RASGEF1A: variants seen among roughly 807,000 people sequenced by gnomAD.
RASGEF1A encodes RasGEF domain family member 1A.
Under a neutral mutation model 56.4 loss-of-function variants are expected in RASGEF1A, and 18 were observed. That is an observed-to-expected ratio of 0.32 (90% CI 0.22 to 0.47). The LOEUF (loss-of-function observed/expected upper bound fraction) is 0.47, where lower values mean the gene tolerates loss of function less well. RASGEF1A is among the 20% of genes least tolerant of loss of function. RASGEF1A has a pLI of 1.00. For synonymous variants in RASGEF1A, 245 were observed against 242.6 expected, an observed-to-expected ratio of 1.01 and a Z score of -0.09; for missense variants, 422 against 627.1, an observed-to-expected ratio of 0.67 and a Z score of 3.49.
Position 43,213,338 on chromosome 10 carries a change from A to T in RASGEF1A, c.-6-7216T>A, listed in dbSNP as rs78532540. ...CATGTAAAAAATACATGTACCCCAT[A>T]AATATGTAAAATACTACATATGAAT... is the stretch of plus-strand genomic sequence containing the variant. On this transcript the variant is annotated intron_variant, in intron 1 of 12. Transcript: ENST00000395810. Among the ~76,000 whole-genome samples, 1,283 of 152,212 alleles carry T rather than the reference A, an allele frequency of 8.4e-3. 53 individuals are homozygous for T. In the East Asian group the frequency reaches 0.095, roughly 11 times the overall value.
Position 43,196,556 on chromosome 10 carries a change from A to G in RASGEF1A, c.1349-8T>C, listed in dbSNP as rs370476530. The G allele has an allele frequency of 6.0e-5, 97 of 1,612,706 alleles. No individual in the cohort carries two copies. The highest frequency in any genetic ancestry group is 7.5e-5 in the Non-Finnish European group (89 of 1,179,818). The stretch of plus-strand genomic sequence containing the variant: ...AGGAGGCGACGAAGAGAGCTGAGAG[A>G]TGGGAAAGTCCCTCAGAGCCTGTGT... On this transcript the variant is annotated splice_region_variant and splice_polypyrimidine_tract_variant and intron_variant, in intron 11 of 12. Transcript: ENST00000395810. This position sits in a 1 kb window ranked among gnomAD's most constrained non-coding sequence, Gnocchi z 4.6.
intron 1 of RASGEF1A, among the ~76,000 whole-genome samples, chr10:43,223,061 G>C (rs10899778): frequency 0.17 from 25,106 of 152,066 alleles, 2,673 homozygotes; most frequent in East Asian, 0.51. Context: ...CTATGCCCAG[G>C]AAACACAGTG....
rs143731252 is a variant in RASGEF1A, at chr10:43,215,994, G to A, written c.-6-9872C>T. 4.3e-3 allele frequency among the ~76,000 whole-genome samples: 657 copies of A among 152,334 alleles called. 1 individual carries two copies. Among genetic ancestry groups the A allele is most frequent in the Admixed American group, 0.011 (168 of 15,308 alleles). Reference sequence around the variant, plus strand: ...CAGAAGCGCTGGCGCCAAAGCCTGGGAGCTTTTGGCCCATTAGATCTCTGG... The same window carrying A: ...CAGAAGCGCTGGCGCCAAAGCCTGGAAGCTTTTGGCCCATTAGATCTCTGG... On this transcript the variant is annotated intron_variant, in intron 1 of 12. Coordinates refer to ENST00000395810, the MANE Select transcript of RASGEF1A (RefSeq NM_145313.4).
At chr10:43,264,836 G>A (rs1836596411) in intron 1 of RASGEF1A, among the ~76,000 whole-genome samples, 1 of 152,054 alleles carries the variant, frequency 6.6e-6, no homozygotes, top group African/African-American at 2.4e-5. Context: ...CAGTGGGGGG[G>A]CCAAACCCCC....
At chr10:43,230,280 T>C (rs1221002831) in intron 1 of RASGEF1A, among the ~76,000 whole-genome samples, 1 of 152,154 alleles carries the variant, frequency 6.6e-6, no homozygotes, top group Non-Finnish European at 1.5e-5. Context: ...TGTCCTTCCA[T>C]TTCATTGGAA....
At chr10:43,223,298 T>C (rs1328851011) in intron 1 of RASGEF1A, among the ~76,000 whole-genome samples, 1 of 152,140 alleles carries the variant, frequency 6.6e-6, no homozygotes, top group Non-Finnish European at 1.5e-5. Flanking sequence ...AGTGTGCAGG[T>C]GAGAGAATGA....
At chr10:43,200,535 T>G in intron 5 of RASGEF1A, 132 bp downstream of exon 5, 1 of 803,780 alleles carries the variant, frequency 1.2e-6, no homozygotes. Context: ...GCATGAAGTG[T>G]GGCAGTCAGG....
intron 1 of RASGEF1A, chr10:43,229,606 G>C (rs1162061452): frequency 1.4e-6 from 2 of 1,475,644 alleles, no homozygotes; most frequent in African/African-American, 1.5e-5. Flanking sequence ...CCTGCCCCGC[G>C]GCCTTGCGCC....
chr10:43,208,925 C>T (rs1042811701), intron 1 of RASGEF1A: 4 of 985,584 alleles, frequency 4.1e-6, no homozygotes, highest in Non-Finnish European at 4.8e-6. Context: ...ATCTGGCCAG[C>T]CCTCCACCTT....
chr10:43,202,177 T>C (rs919978355), intron 3 of RASGEF1A, among the ~76,000 whole-genome samples: 1 of 152,182 alleles, frequency 6.6e-6, no homozygotes, highest in Admixed American at 6.5e-5. Flanking sequence ...AATAAACTTA[T>C]ATTAAAAAAA....
intron 8 of RASGEF1A, 39 bp downstream of exon 8, chr10:43,199,053 G>GGC: frequency 4.2e-5 from 47 of 1,128,288 alleles, no homozygotes; most frequent in Middle Eastern, 2.0e-4. Context: ...GGGGGGGTGG[G>GGC]CCATGCAGCA....
At position 43,196,369 on chromosome 10, in the gene RASGEF1A, C is replaced by G. The variant is rs1839798170; in HGVS notation, c.1422-101G>C. The G allele has an allele frequency of 6.4e-7, 1 of 1,564,346 alleles. No homozygotes were observed. Among genetic ancestry groups the G allele is most frequent in the African/African-American group, 1.4e-5 (1 of 73,870 alleles). On this transcript the variant is annotated intron_variant, in intron 12 of 12. Coordinates refer to ENST00000395810, the MANE Select transcript of RASGEF1A (RefSeq NM_145313.4). This position sits in a 1 kb window ranked among gnomAD's most constrained non-coding sequence, Gnocchi z 4.6. ...CAAACATGCACCAGGGACCCTGGAC[C>G]AGGGACGCGGCAGTGCCCAGGCTCC... is the stretch of plus-strand genomic sequence containing the variant.
chr10:43,262,130 AG>A (rs982530453), intron 1 of RASGEF1A, among the ~76,000 whole-genome samples: 25 of 152,140 alleles, frequency 1.6e-4, no homozygotes, highest in African/African-American at 5.3e-4. Context: ...ATGGGCAGAG[AG>A]AGTGGGGGAG....
chr10:43,203,446 C>G, intron 2 of RASGEF1A, 26 bp from the exon 3 acceptor site: 4 of 1,503,884 alleles, frequency 2.7e-6, no homozygotes, highest in Non-Finnish European at 3.6e-6. Context: ...GGAGAGAGGG[C>G]GGAGGGAGGG....
chr10:43,252,158 G>A (rs986163147), intron 1 of RASGEF1A, among the ~76,000 whole-genome samples: 6 of 152,204 alleles, frequency 3.9e-5, no homozygotes, highest in Admixed American at 1.3e-4. Flanking sequence ...GGGCTTGGGG[G>A]AATAGAGGGC....
intron 1 of RASGEF1A, among the ~76,000 whole-genome samples, chr10:43,249,917 T>C (rs1013987671): frequency 6.6e-6 from 1 of 152,242 alleles, no homozygotes; most frequent in Non-Finnish European, 1.5e-5. Context: ...CTTTCACGTG[T>C]GTTTAAAAGC....
chr10:43,236,748 C>T (rs1252125150), intron 1 of RASGEF1A, among the ~76,000 whole-genome samples: 1 of 152,350 alleles, frequency 6.6e-6, no homozygotes, highest in Admixed American at 6.5e-5. Context: ...AAAGTTAAGG[C>T]TGGAGCAGCA....
chr10:43,221,052 G>A (rs190507006), intron 1 of RASGEF1A, among the ~76,000 whole-genome samples: 42 of 152,230 alleles, frequency 2.8e-4, no homozygotes, highest in African/African-American at 8.7e-4. Flanking sequence ...CGAGAACTCC[G>A]AAGCCTCTTT....
chr10:43,262,466 C>CCCTCT (rs1052565992), intron 1 of RASGEF1A, among the ~76,000 whole-genome samples: 2 of 152,176 alleles, frequency 1.3e-5, no homozygotes, highest in Non-Finnish European at 2.9e-5. Flanking sequence ...AGGTCTGCTT[C>CCCTCT]CCTCTCCTCT....
Sources: allele counts gnomAD v4.1 joint callset (sites outside exome capture counted in the v4.1 genomes callset), GRCh38; gene constraint gnomAD v4.1.1; non-coding constraint Gnocchi (gnomAD v3.1); transcripts MANE v1.5; gene names NCBI Gene and HGNC (gene_info 2026-07-23, HGNC 2026-07-21).